The following ASAP2 variants were observed in gnomAD, a reference collection of about 807,000 sequenced individuals.
ASAP2 encodes ArfGAP with SH3 domain, ankyrin repeat and PH domain 2.
A neutral mutation model predicts 131.4 loss-of-function variants in ASAP2; 45 were observed. The ratio of observed to expected loss-of-function variants is 0.34; its 90% CI spans 0.27 to 0.44. The LOEUF is 0.44. ASAP2 is among the 20% of genes least tolerant of loss of function. ASAP2 has a pLI of 1.00. For synonymous variants in ASAP2, 510 were observed against 503.0 expected (o/e 1.01, Z -0.19); for missense variants, 1,011 against 1,297.0 (o/e 0.78, Z 3.39).
intron 1 of ASAP2, among the ~76,000 whole-genome samples, chr2:9,224,541 G>C (rs530406879): frequency 6.6e-6 from 1 of 152,264 alleles, no homozygotes; most frequent in East Asian, 1.9e-4. Flanking sequence ...AGGTTGTCGT[G>C]TCATCCTTTG....
Position 9,334,733 on chromosome 2 carries a change from G to A in ASAP2, c.687-5G>A. The A allele has an allele frequency of 6.2e-7, 1 of 1,611,278 alleles. No homozygotes were observed. The highest frequency in any genetic ancestry group is 8.5e-7 in the Non-Finnish European group (1 of 1,178,760). ...GTCATCTCTGTTTCTTCTTTTTCCT[G>A]CTAGTTTTTTTCAGGATGGACTCAA... is the stretch of plus-strand genomic sequence containing the variant. On this transcript the variant is annotated splice_polypyrimidine_tract_variant and splice_region_variant and intron_variant, in intron 7 of 27. Transcript: ENST00000281419.
At chr2:9,335,814 A>G (rs546837946) in intron 9 of ASAP2, among the ~76,000 whole-genome samples, 1 of 152,356 alleles carries the variant, frequency 6.6e-6, no homozygotes, top group South Asian at 2.1e-4. Flanking sequence ...TTTCACTACA[A>G]TGTGGGTATC....
chr2:9,264,084 C>T (rs1665766264), intron 1 of ASAP2, among the ~76,000 whole-genome samples: 2 of 151,762 alleles, frequency 1.3e-5, no homozygotes, highest in South Asian at 2.1e-4. Flanking sequence ...CCCAGCTACT[C>T]AGAAGGCTGA....
chr2:9,250,512 G>A (rs1664631537), intron 1 of ASAP2, among the ~76,000 whole-genome samples: 1 of 152,196 alleles, frequency 6.6e-6, no homozygotes, highest in East Asian at 1.9e-4. Context: ...CTTGGGAGGT[G>A]TAAAAGTGTT....
At chr2:9,335,070 G>A (rs977711155) in intron 8 of ASAP2, 23 bp from the exon 9 acceptor site, 1 of 1,598,506 alleles carries the variant, frequency 6.3e-7, no homozygotes, top group Non-Finnish European at 8.6e-7. Flanking sequence ...GATTGGTTCT[G>A]TTGTGTGTGT....
intron 1 of ASAP2, among the ~76,000 whole-genome samples, chr2:9,276,864 T>G (rs1468341582): frequency 6.6e-6 from 1 of 152,098 alleles, no homozygotes; most frequent in Non-Finnish European, 1.5e-5. Flanking sequence ...TCGTGAGGTG[T>G]TTTCTCCCTT....
At chr2:9,355,573 C>T (rs1485906638) in intron 12 of ASAP2, among the ~76,000 whole-genome samples, 1 of 152,206 alleles carries the variant, frequency 6.6e-6, no homozygotes, top group African/African-American at 2.4e-5. Flanking sequence ...TAACACACTC[C>T]TCTTGATTTA....
chr2:9,351,505 T>A (rs189712777), intron 12 of ASAP2, among the ~76,000 whole-genome samples: 6 of 152,248 alleles, frequency 3.9e-5, no homozygotes, highest in Admixed American at 6.5e-5. Flanking sequence ...ATAAACCTTT[T>A]TTCCTAGGTA....
intron 12 of ASAP2, among the ~76,000 whole-genome samples, chr2:9,353,312 G>A (rs1159311046): frequency 1.3e-5 from 2 of 152,028 alleles, no homozygotes; most frequent in African/African-American, 2.4e-5. Flanking sequence ...TGCCTGTAAT[G>A]CAAGCACTTT....
At chr2:9,263,626 G>A (rs899389427) in intron 1 of ASAP2, among the ~76,000 whole-genome samples, 7 of 152,202 alleles carry the variant, frequency 4.6e-5, no homozygotes, top group East Asian at 1.9e-4. Context: ...CGAAGCCTCC[G>A]AGGCACAGAC....
At chr2:9,358,093 A>G (rs1192257696) in intron 14 of ASAP2, among the ~76,000 whole-genome samples, 1 of 152,224 alleles carries the variant, frequency 6.6e-6, no homozygotes, top group Non-Finnish European at 1.5e-5. Context: ...GCAGGGCCAC[A>G]GTCTGCTCTG....
chr2:9,358,682 A>C, intron 14 of ASAP2, 74 bp from the exon 15 acceptor site: 1 of 1,537,314 alleles, frequency 6.5e-7, no homozygotes, highest in Non-Finnish European at 8.8e-7. Flanking sequence ...TTCAGTAACT[A>C]TGCAGGAAGA....
intron 1 of ASAP2, among the ~76,000 whole-genome samples, chr2:9,266,881 C>T (rs1455600295): frequency 6.6e-6 from 1 of 152,128 alleles, no homozygotes; most frequent in South Asian, 2.1e-4. Flanking sequence ...CATTCAGTTT[C>T]CTCTGTCTCT....
In ASAP2 at chr2:9,286,447, A is replaced by ATATATAT. The variant is rs1553304560; in HGVS notation, c.199+7058_199+7059insTATATAT. On this transcript the variant is annotated intron_variant, in intron 2 of 27. Transcript: ENST00000281419. ...TTTTTTTTAAAAAAGGAAAAAAAAA[A>ATATATAT]ATATATATATATATACTGTATCTGA... 9.1e-4 allele frequency among the ~76,000 whole-genome samples: 135 copies of ATATATAT among 148,486 alleles called. 1 individual carries two copies. Among genetic ancestry groups the ATATATAT allele is most frequent in the Middle Eastern group, 3.5e-3 (1 of 288 alleles).
At chr2:9,267,736 A>G (rs1353016889) in intron 1 of ASAP2, among the ~76,000 whole-genome samples, 3 of 151,872 alleles carry the variant, frequency 2.0e-5, no homozygotes, top group Non-Finnish European at 4.4e-5. Flanking sequence ...CGTCTCTACT[A>G]AAAATACAGA....
At chr2:9,251,220 T>G (rs1310537531) in intron 1 of ASAP2, among the ~76,000 whole-genome samples, 13 of 152,180 alleles carry the variant, frequency 8.5e-5, no homozygotes. Context: ...AGTCCGCAAG[T>G]AGAGGTGGGC....
At chr2:9,247,904 A>T (rs948683435) in intron 1 of ASAP2, among the ~76,000 whole-genome samples, 2 of 152,122 alleles carry the variant, frequency 1.3e-5, no homozygotes, top group Non-Finnish European at 2.9e-5. Context: ...TCTGCCCCCC[A>T]CACTGATAAC....
intron 1 of ASAP2, among the ~76,000 whole-genome samples, chr2:9,246,811 CTG>C (rs1460364684): frequency 6.6e-6 from 1 of 152,142 alleles, no homozygotes; most frequent in Non-Finnish European, 1.5e-5. Context: ...CTACACAAGC[CTG>C]TGTACTGCTG....
At chr2:9,370,087 CT>C (rs1673824086) in intron 16 of ASAP2, among the ~76,000 whole-genome samples, 1 of 152,126 alleles carries the variant, frequency 6.6e-6, no homozygotes, top group Admixed American at 6.5e-5. Flanking sequence ...ATCTGCCCAC[CT>C]TGGCCTCCCA....
Sources: gnomAD v4.1 joint callset for allele counts (sites outside exome capture counted in the v4.1 genomes callset) on GRCh38, gnomAD v4.1.1 for gene constraint, MANE v1.5 for transcripts, NCBI Gene and HGNC (gene_info 2026-07-23, HGNC 2026-07-21) for gene names.